PBRM1: variants seen among roughly 807,000 people sequenced by gnomAD.
PBRM1 encodes polybromo 1.
PBRM1 carries 27 observed loss-of-function variants against 194.5 expected under a neutral mutation model. That is an observed-to-expected ratio of 0.14 (90% CI 0.10 to 0.19). The LOEUF is 0.19. PBRM1 is among the 10% of genes least tolerant of loss of function. PBRM1 has a pLI of 1.00. For missense variants in PBRM1, 1,466 were observed against 2,077.2 expected, an observed-to-expected ratio of 0.71 and a Z score of 5.72; for synonymous variants, 655 against 693.2, an observed-to-expected ratio of 0.94 and a Z score of 0.87.
At chr3:52,599,018 CAAAAAAAAAAAA>C (rs59170143) in intron 17 of PBRM1, among the ~76,000 whole-genome samples, 53 of 114,326 alleles carry the variant, frequency 4.6e-4, no homozygotes, top group Admixed American at 4.9e-4. Flanking sequence ...CCAGATATCT[CAAAAAAAAAAAA>C]AAAAAAAAAA....
At chr3:52,678,386 C>A in intron 2 of PBRM1, 114 bp downstream of exon 3, 1 of 642,918 alleles carries the variant, frequency 1.6e-6, no homozygotes. Flanking sequence ...AAAATTGGAC[C>A]CCAGTATCAT....
At chr3:52,556,433 C>T (rs1227365603) in intron 26 of PBRM1, among the ~76,000 whole-genome samples, 2 of 152,026 alleles carry the variant, frequency 1.3e-5, no homozygotes, top group Admixed American at 1.3e-4. Flanking sequence ...TTAACCACAC[C>T]ACCAGTTATA....
chr3:52,609,596 C>T lies in PBRM1; in HGVS notation c.2284G>A (p.Asp762Asn). 1 of 1,612,962 alleles carries T rather than the reference C, an allele frequency of 6.2e-7. No homozygotes were observed. Among genetic ancestry groups the T allele is most frequent in the South Asian group, 1.1e-5 (1 of 90,806 alleles). ...TGAGAGTCCTCATCTCCCTCCAGGT[C>T]TCTGCGTGTTTCAAGCAGGACTTTG... Residue 762 changes from aspartate (D) to asparagine (N), a missense_variant, in exon 16 of 30, where the codon GAC (aspartate) becomes AAC (asparagine). Transcript: ENST00000296302. The surrounding 1 kb of genome is among the most constrained non-coding windows in gnomAD (Gnocchi z 4.1).
rs772437847 is a variant in PBRM1 at position 52,668,667 on chromosome 3, T to A, written c.237-22A>T. On this transcript the variant is annotated intron_variant, in intron 2 of 29. Coordinates refer to ENST00000296302, the Ensembl canonical transcript of PBRM1. ...ATTTCTGTTATAATTTAAATTTTTT[T>A]AAAGGAGATTAATCTGAAGCTTACA... 2.8e-6 allele frequency: 4 copies of A among 1,430,332 alleles called. No individual in the cohort carries two copies. The Admixed American group carries it at 7.3e-5, about 26-fold the overall frequency. The allele number at this position is 1,430,332 out of a possible 1,614,324, so 88.6% of individuals were successfully genotyped here.
intron 17 of PBRM1, among the ~76,000 whole-genome samples, chr3:52,591,427 T>C (rs1034345022): frequency 1.3e-5 from 2 of 152,148 alleles, no homozygotes; most frequent in African/African-American, 4.8e-5. Flanking sequence ...GAAGTATGTT[T>C]CTTTAATACC....
intron 17 of PBRM1, among the ~76,000 whole-genome samples, chr3:52,593,019 C>A (rs1216456303): frequency 6.6e-6 from 1 of 152,098 alleles, no homozygotes; most frequent in East Asian, 1.9e-4. Context: ...TTTGTTGTTT[C>A]TAATTGTGTT....
At position 52,571,202 on chromosome 3, in the gene PBRM1, G is replaced by T. The variant is rs533143550; in HGVS notation, c.3691+5339C>A. Among the ~76,000 whole-genome samples, 11 of 151,776 alleles carry T rather than the reference G, an allele frequency of 7.2e-5. No homozygotes were observed. The South Asian group carries it at 2.1e-3, about 29-fold the overall frequency. On this transcript the variant is annotated intron_variant, in intron 22 of 29. Coordinates refer to ENST00000296302, the Ensembl canonical transcript of PBRM1. Reference sequence around the variant, plus strand: ...GCTGGGCATGGTGGCACACGCCTGTGGTCCCAGCTGCTCGGGAGGCTGAGG... The same window carrying T: ...GCTGGGCATGGTGGCACACGCCTGTTGTCCCAGCTGCTCGGGAGGCTGAGG...
chr3:52,661,776 G>GAA (rs2096730306), intron 4 of PBRM1, among the ~76,000 whole-genome samples: 1 of 152,190 alleles, frequency 6.6e-6, no homozygotes, highest in Non-Finnish European at 1.5e-5. Context: ...TCACTAAGGT[G>GAA]ATTACATTCC....
chr3:52,583,828 A>G (rs2091879553), intron 20 of PBRM1, among the ~76,000 whole-genome samples: 1 of 152,186 alleles, frequency 6.6e-6, no homozygotes, highest in Non-Finnish European at 1.5e-5. Context: ...AATCTTCTGT[A>G]GAGACAAGGT....
chr3:52,613,796 C>A (rs1399523947), intron 15 of PBRM1, among the ~76,000 whole-genome samples: 1 of 152,010 alleles, frequency 6.6e-6, no homozygotes, highest in Non-Finnish European at 1.5e-5. Context: ...TCAAGACCAG[C>A]CTGGCCAATA....
chr3:52,609,360 A>G lies in PBRM1; in HGVS notation c.2520T>C (p.Phe840=). 6.2e-7 allele frequency: 1 copy of G among 1,614,036 alleles called. No homozygotes were observed. The highest frequency in any genetic ancestry group is 2.2e-5 in the East Asian group (1 of 44,890). The change falls in exon 16 of 30, where the codon TTT becomes TTC. Residue 840 remains phenylalanine, a synonymous_variant. Coordinates refer to ENST00000296302, the Ensembl canonical transcript of PBRM1. The surrounding 1 kb of genome is among the most constrained non-coding windows in gnomAD (Gnocchi z 4.1). The stretch of plus-strand genomic sequence containing the variant: ...CCAATACTTCAAACATATGCTCTTG[A>G]AATAAATCAAGCCGACGGTAGCGAT...
chr3:52,549,523 A>C (rs1290030246), intron 29 of PBRM1, among the ~76,000 whole-genome samples: 1 of 152,176 alleles, frequency 6.6e-6, no homozygotes, highest in East Asian at 1.9e-4. Flanking sequence ...AACAAAACAA[A>C]ACAACAAACA....
intron 21 of PBRM1, among the ~76,000 whole-genome samples, chr3:52,577,430 CAAAAAAAAAAAAAA>C (rs71084193): frequency 1.5e-5 from 1 of 65,714 alleles, no homozygotes; most frequent in East Asian, 4.7e-4. Flanking sequence ...GACAATGTCT[CAAAAAAAAAAAAAA>C]AAAAAAAAAA....
intron 6 of PBRM1, among the ~76,000 whole-genome samples, chr3:52,651,040 G>A (rs933353193): frequency 6.6e-6 from 1 of 152,100 alleles, no homozygotes; most frequent in African/African-American, 2.4e-5. Context: ...CTTCCTAGGC[G>A]GTGATTTGGG....
intron 12 of PBRM1, among the ~76,000 whole-genome samples, chr3:52,628,345 T>C (rs1183467348): frequency 1.3e-5 from 2 of 148,700 alleles, no homozygotes; most frequent in Non-Finnish European, 3.0e-5. Flanking sequence ...ATTTCTACTC[T>C]ATATGGCCAT....
intron 15 of PBRM1, among the ~76,000 whole-genome samples, chr3:52,615,062 G>A (rs2094885504): frequency 6.6e-6 from 1 of 152,054 alleles, no homozygotes; most frequent in African/African-American, 2.4e-5. Context: ...TATTCTTACA[G>A]CATTATACGT....
chr3:52,582,452 T>C (rs189992222), intron 20 of PBRM1, among the ~76,000 whole-genome samples: 1,634 of 140,962 alleles, frequency 0.012, 29 homozygotes, highest in African/African-American at 0.038. Flanking sequence ...CTCTGTTGCC[T>C]AGGCTGGAAT....
rs778993265 is a variant in PBRM1 at position 52,571,626 on chromosome 3, CAAAAAAAAAAAA to C, written c.3691+4903_3691+4914del. Among the ~76,000 whole-genome samples the C allele has an allele frequency of 6.3e-3, 245 of 38,750 alleles. 1 individual carries two copies. The highest frequency in any genetic ancestry group is 9.2e-3 in the Non-Finnish European group (206 of 22,508). 25.4% of individuals were successfully genotyped at this position (38,750 alleles called of 152,430 possible). On this transcript the variant is annotated intron_variant, in intron 22 of 29. Coordinates refer to ENST00000296302, the Ensembl canonical transcript of PBRM1. ...GGGCAACAAGAGCGAAACTCCATCT[CAAAAAAAAAAAA>C]AAAAAAAAAAAAAAGATTTATTCCT...
chr3:52,586,788 A>C (rs1026481634), intron 19 of PBRM1, 100 bp from the exon 22 acceptor site: 11 of 840,322 alleles, frequency 1.3e-5, no homozygotes, highest in East Asian at 2.5e-5. Flanking sequence ...AACCAACCAA[A>C]CAAAAGCTGA....
Sources: gnomAD v4.1 joint callset for allele counts (sites outside exome capture counted in the v4.1 genomes callset) on GRCh38, gnomAD v4.1.1 for gene constraint, Gnocchi (gnomAD v3.1) non-coding constraint, MANE v1.5 for transcripts, NCBI Gene and HGNC (gene_info 2026-07-23, HGNC 2026-07-21) for gene names.